CFAP299: variants seen among roughly 807,000 people sequenced by gnomAD.
The protein encoded by CFAP299 is cilia- and flagella-associated protein 299.
CFAP299 carries 21 observed loss-of-function variants against 27.0 expected under a neutral mutation model. The observed-to-expected ratio is 0.78, with a 90% CI of 0.55 to 1.12. The LOEUF (loss-of-function observed/expected upper bound fraction) is 1.12. Ranked by LOEUF, CFAP299 falls within the 50% of genes most tolerant of loss-of-function variation. The pLI is 0.00. For synonymous variants in CFAP299, 104 were observed against 98.1 expected, an observed-to-expected ratio of 1.06 and a Z score of -0.36; for missense variants, 310 against 276.6, an observed-to-expected ratio of 1.12 and a Z score of -0.86.
chr4:80,618,975 C>A (rs559958386), intron 3 of CFAP299, among the ~76,000 whole-genome samples: 15 of 152,098 alleles, frequency 9.9e-5, no homozygotes, highest in Admixed American at 9.2e-4. Flanking sequence ...AGTATGACAC[C>A]TGTATGTGTA....
At chr4:80,818,637 C>T (rs1729545171) in intron 3 of CFAP299, among the ~76,000 whole-genome samples, 1 of 152,050 alleles carries the variant, frequency 6.6e-6, no homozygotes, top group African/African-American at 2.4e-5. Context: ...ACCCCCTTCA[C>T]CTCTCTAACC....
intron 3 of CFAP299, among the ~76,000 whole-genome samples, chr4:80,601,844 A>G (rs1737367735): frequency 6.6e-6 from 1 of 152,202 alleles, no homozygotes; most frequent in Non-Finnish European, 1.5e-5. Context: ...TCAGTCAATG[A>G]TAGACTGGAT....
intron 3 of CFAP299, among the ~76,000 whole-genome samples, chr4:80,733,967 T>C (rs762619144): frequency 3.3e-5 from 5 of 152,148 alleles, no homozygotes; most frequent in Admixed American, 6.5e-5. Flanking sequence ...ATGTCCTTTC[T>C]TTTGGATATA....
intron 3 of CFAP299, among the ~76,000 whole-genome samples, chr4:80,663,438 A>G (rs112005952): frequency 0.077 from 11,688 of 152,134 alleles, 673 homozygotes; most frequent in East Asian, 0.23. Flanking sequence ...TTCCAGCTTC[A>G]TCCATGTCCC....
chr4:80,860,314 A>G (rs990561338), intron 3 of CFAP299, among the ~76,000 whole-genome samples: 25 of 152,092 alleles, frequency 1.6e-4, no homozygotes, highest in African/African-American at 5.6e-4. Flanking sequence ...ACATTCGTCT[A>G]AATTTTTTTC....
chr4:80,788,957 T>G (rs1320291114), intron 3 of CFAP299, among the ~76,000 whole-genome samples: 1 of 152,104 alleles, frequency 6.6e-6, no homozygotes. Context: ...AACATAAACA[T>G]CTAATACTTT....
chr4:80,454,960 G>A (rs1729076305), intron 2 of CFAP299, among the ~76,000 whole-genome samples: 1 of 152,108 alleles, frequency 6.6e-6, no homozygotes, highest in African/African-American at 2.4e-5. Context: ...CTGTGTGGGG[G>A]CCACAAGACC....
chr4:80,839,826 A>G (rs981600578), intron 3 of CFAP299, among the ~76,000 whole-genome samples: 1 of 152,078 alleles, frequency 6.6e-6, no homozygotes, highest in Non-Finnish European at 1.5e-5. Flanking sequence ...TTGGCTTTAC[A>G]TAGCCCATAT....
chr4:80,726,893 G>C (rs1346296241), intron 3 of CFAP299, among the ~76,000 whole-genome samples: 1 of 151,986 alleles, frequency 6.6e-6, no homozygotes, highest in East Asian at 1.9e-4. Flanking sequence ...TTATCAATTG[G>C]TATTTTCTCA....
chr4:80,852,276 T>C (rs1035859526), intron 3 of CFAP299, among the ~76,000 whole-genome samples: 2 of 152,148 alleles, frequency 1.3e-5, no homozygotes, highest in African/African-American at 4.8e-5. Flanking sequence ...TTGTTAAAAA[T>C]GCAAATTCTT....
At position 80,545,734 on chromosome 4, in the gene CFAP299, A is replaced by G. The variant is rs182632245; in HGVS notation, c.243-37359A>G. ...AATCAAGGAGGAGGGACTCCTCTCT[A>G]ACTCATCCTCTGAAGCAAGCATCAT... On this transcript the variant is annotated intron_variant, in intron 2 of 5. Transcript: ENST00000358105. Among the ~76,000 whole-genome samples the G allele has an allele frequency of 4.6e-5, 7 of 152,326 alleles. No homozygotes were observed. The East Asian group carries it at 1.3e-3, about 29-fold the overall frequency.
intron 3 of CFAP299, among the ~76,000 whole-genome samples, chr4:80,846,551 G>T (rs1731193564): frequency 6.6e-6 from 1 of 152,058 alleles, no homozygotes; most frequent in Non-Finnish European, 1.5e-5. Flanking sequence ...GATTTTTGAG[G>T]TTGACAATTA....
At chr4:80,917,814 A>G (rs979759303) in intron 4 of CFAP299, among the ~76,000 whole-genome samples, 2 of 152,164 alleles carry the variant, frequency 1.3e-5, no homozygotes, top group Admixed American at 6.6e-5. Context: ...ACAACTGTCT[A>G]TTCTCTATAA....
intron 3 of CFAP299, among the ~76,000 whole-genome samples, chr4:80,680,760 A>T (rs893539904): frequency 1.3e-5 from 2 of 152,162 alleles, no homozygotes; most frequent in African/African-American, 4.8e-5. Context: ...GGCAAGGAAA[A>T]CCTAATTGTG....
chr4:80,845,547 C>G (rs1023231807), intron 3 of CFAP299, among the ~76,000 whole-genome samples: 92 of 152,278 alleles, frequency 6.0e-4, no homozygotes, highest in African/African-American at 2.2e-3. Flanking sequence ...ACAGGCAAGA[C>G]TATTTCCTGC....
chr4:80,791,502 T>G (rs1727568092), intron 3 of CFAP299, among the ~76,000 whole-genome samples: 2 of 152,074 alleles, frequency 1.3e-5, no homozygotes, highest in Non-Finnish European at 2.9e-5. Context: ...ATTATAGCAA[T>G]TGTTGAGATA....
chr4:80,663,781 A>G (rs1207708855), intron 3 of CFAP299, among the ~76,000 whole-genome samples: 1 of 152,100 alleles, frequency 6.6e-6, no homozygotes, highest in African/African-American at 2.4e-5. Context: ...ATTTCTCCAC[A>G]TTCTCTCCAG....
At chr4:80,507,002 T>G (rs1732069101) in intron 2 of CFAP299, among the ~76,000 whole-genome samples, 1 of 152,190 alleles carries the variant, frequency 6.6e-6, no homozygotes, top group African/African-American at 2.4e-5. Flanking sequence ...CCAGGGTTGT[T>G]TGCATTTTAA....
intron 2 of CFAP299, among the ~76,000 whole-genome samples, chr4:80,467,777 A>T (rs1729780483): frequency 6.6e-6 from 1 of 152,226 alleles, no homozygotes; most frequent in African/African-American, 2.4e-5. Context: ...TAATTTACTC[A>T]GTTCCACATG....
Sources: allele counts gnomAD v4.1 joint callset (sites outside exome capture counted in the v4.1 genomes callset), GRCh38; gene constraint gnomAD v4.1.1; transcripts MANE v1.5; gene names NCBI Gene and HGNC (gene_info 2026-07-23, HGNC 2026-07-21).